The following RYR2 variants were observed in gnomAD, a reference collection of about 807,000 sequenced individuals.
RYR2 encodes the protein ryanodine receptor 2.
A neutral mutation model predicts 601.1 loss-of-function variants in RYR2; 227 were observed. The observed-to-expected ratio is 0.38, with a 90% CI of 0.34 to 0.42. The LOEUF is 0.42. RYR2 is among the 10% of genes least tolerant of loss of function. RYR2 has a pLI of 1.00. For synonymous variants in RYR2, 2,223 were observed against 2,175.1 expected, an observed-to-expected ratio of 1.02 and a Z score of -0.61; for missense variants, 4,646 against 6,156.5, an observed-to-expected ratio of 0.75 and a Z score of 8.21.
At chr1:237,573,704 C>T (rs1210234166) in intron 29 of RYR2, among the ~76,000 whole-genome samples, 7 of 151,190 alleles carry the variant, frequency 4.6e-5, no homozygotes, top group Admixed American at 2.0e-4. Context: ...TCCAGCTACT[C>T]GGGAGGCTGA....
intron 1 of RYR2, among the ~76,000 whole-genome samples, chr1:237,151,606 G>T (rs773277196): frequency 1.3e-5 from 2 of 152,188 alleles, no homozygotes; most frequent in African/African-American, 2.4e-5. Context: ...TTTCTCATCT[G>T]CTGGGTGAGG....
At chr1:237,185,256 T>C (rs1191825659) in intron 1 of RYR2, among the ~76,000 whole-genome samples, 1 of 152,020 alleles carries the variant, frequency 6.6e-6, no homozygotes, top group African/African-American at 2.4e-5. Flanking sequence ...TACCTTGGCC[T>C]CCCAAATTGC....
chr1:237,677,686 T>C (rs1685524371), intron 60 of RYR2, among the ~76,000 whole-genome samples: 1 of 152,162 alleles, frequency 6.6e-6, no homozygotes. Context: ...TTACACTCAC[T>C]GTCCTCTTCC....
At chr1:237,527,539 C>T (rs1667717898) in intron 24 of RYR2, among the ~76,000 whole-genome samples, 1 of 152,174 alleles carries the variant, frequency 6.6e-6, no homozygotes, top group African/African-American at 2.4e-5. Flanking sequence ...CCAGTCAACC[C>T]TTCTCTGCCC....
Position 237,590,815 on chromosome 1 carries a change from T to C in RYR2, c.3983T>C (p.Phe1328Ser), listed in dbSNP as rs1675073721. 6.2e-7 allele frequency: 1 copy of C among 1,613,784 alleles called. No homozygotes were observed. Among genetic ancestry groups the C allele is most frequent in the Non-Finnish European group, 8.5e-7 (1 of 1,179,874 alleles). The change falls in exon 31 of 105, where the codon TTT becomes TCT. Residue 1328 changes from phenylalanine (F) to serine (S), a missense_variant. Physicochemically the swap from Phe to Ser is radical, Grantham distance 155. Coordinates refer to ENST00000366574, the MANE Select transcript of RYR2 (RefSeq NM_001035.3). ...VAGGLPGAGLFGPKNDLEDYD... is the reference protein window; with the variant it reads ...VAGGLPGAGLSGPKNDLEDYD... ...GGAGGGCTCCCTGGGGCTGGCCTTT[T>C]TGGGCCCAAGAATGACTTGGAAGAT...
intron 53 of RYR2, 125 bp from the exon 54 acceptor site, chr1:237,657,815 AAAAG>A: frequency 3.8e-6 from 2 of 532,670 alleles, no homozygotes; most frequent in Admixed American, 4.0e-5. Context: ...TAATTCTAAA[AAAAG>A]AAGTCGTGTT....
At chr1:237,115,424 C>T (rs1324841420) in intron 1 of RYR2, among the ~76,000 whole-genome samples, 1 of 152,168 alleles carries the variant, frequency 6.6e-6, no homozygotes, top group African/African-American at 2.4e-5. Context: ...TCCTGGAAAC[C>T]CTTAAGAACC....
intron 1 of RYR2, among the ~76,000 whole-genome samples, chr1:237,053,084 T>TG (rs1661488112): frequency 6.6e-6 from 1 of 152,096 alleles, no homozygotes; most frequent in South Asian, 2.1e-4. Context: ...CTTGACCTCA[T>TG]GGTCCGCCCA....
At chr1:237,454,884 A>G (rs1473118062) in intron 15 of RYR2, among the ~76,000 whole-genome samples, 1 of 152,146 alleles carries the variant, frequency 6.6e-6, no homozygotes, top group Non-Finnish European at 1.5e-5. Flanking sequence ...GGTTATATCA[A>G]TTAAGAATCT....
At chr1:237,823,425 G>A (rs2102873238) in intron 101 of RYR2, among the ~76,000 whole-genome samples, 1 of 152,278 alleles carries the variant, frequency 6.6e-6, no homozygotes, top group Non-Finnish European at 1.5e-5. Flanking sequence ...GCTCCTGAAT[G>A]ACTATTGGGT....
chr1:237,308,887 T>C (rs1235014935), intron 2 of RYR2, among the ~76,000 whole-genome samples: 2 of 152,208 alleles, frequency 1.3e-5, no homozygotes, highest in Non-Finnish European at 2.9e-5. Context: ...AGCTGATTGG[T>C]CTGTCTTATA....
chr1:237,673,422 A>G (rs1346065119), intron 58 of RYR2, among the ~76,000 whole-genome samples: 1 of 152,102 alleles, frequency 6.6e-6, no homozygotes, highest in Non-Finnish European at 1.5e-5. Context: ...TATTTTCTAG[A>G]ATTTTTAAAT....
chr1:237,148,530 ATATATAT>A (rs1674303455), intron 1 of RYR2, among the ~76,000 whole-genome samples: 4 of 44,396 alleles, frequency 9.0e-5, no homozygotes, highest in African/African-American at 1.4e-4. Context: ...AAAAAAAAAT[ATATATAT>A]ATATATATAT....
chr1:237,709,970 T>C (rs1428706286), intron 70 of RYR2, among the ~76,000 whole-genome samples: 1 of 152,222 alleles, frequency 6.6e-6, no homozygotes, highest in Non-Finnish European at 1.5e-5. Context: ...AAATTTGTTT[T>C]ATCTTCACAC....
chr1:237,487,907 G>A (rs1320549522), intron 17 of RYR2, among the ~76,000 whole-genome samples: 2 of 151,946 alleles, frequency 1.3e-5, no homozygotes, highest in East Asian at 3.9e-4. Context: ...TTATTTATTG[G>A]ATCTGACCTG....
At chr1:237,523,718 C>T (rs1254997777) in intron 24 of RYR2, among the ~76,000 whole-genome samples, 2 of 146,922 alleles carry the variant, frequency 1.4e-5, no homozygotes, top group Non-Finnish European at 3.0e-5. Flanking sequence ...GCCTGGGTGG[C>T]AGAGCAAGAT....
chr1:237,664,742 G>A (rs140081105), intron 56 of RYR2, among the ~76,000 whole-genome samples: 7 of 152,344 alleles, frequency 4.6e-5, no homozygotes, highest in South Asian at 2.1e-4. Context: ...GGAGTAACCC[G>A]AGATGGTTGC....
chr1:237,487,934 A>G (rs1294200319), intron 17 of RYR2, among the ~76,000 whole-genome samples: 3 of 152,116 alleles, frequency 2.0e-5, no homozygotes, highest in Non-Finnish European at 4.4e-5. Flanking sequence ...TTGAAAAACA[A>G]AGAAACTGTT....
chr1:237,403,400 A>C (rs543113300), intron 10 of RYR2, among the ~76,000 whole-genome samples: 1 of 152,272 alleles, frequency 6.6e-6, no homozygotes, highest in African/African-American at 2.4e-5. Context: ...GGCAATCTAA[A>C]ATTTTATATC....
Sources: allele counts gnomAD v4.1 joint callset (sites outside exome capture counted in the v4.1 genomes callset), GRCh38; gene constraint gnomAD v4.1.1; transcripts MANE v1.5; gene names NCBI Gene and HGNC (gene_info 2026-07-23, HGNC 2026-07-21).